AATF: variants seen among roughly 807,000 people sequenced by gnomAD.
AATF encodes the protein apoptosis antagonizing transcription factor.
Under a neutral mutation model 63.7 loss-of-function variants are expected in AATF, and 48 were observed. The ratio of observed to expected loss-of-function variants is 0.75; its 90% CI spans 0.60 to 0.96. AATF has a LOEUF of 0.96. Ranked by LOEUF, AATF falls within the 40% of genes least tolerant of loss-of-function variation. AATF has a pLI of 0.00. For synonymous variants in AATF, 258 were observed against 247.7 expected (o/e 1.04, Z -0.39); for missense variants, 639 against 685.7 (o/e 0.93, Z 0.76).
At position 36,957,553 on chromosome 17, in the gene AATF, C is replaced by T. The variant is rs374301348; in HGVS notation, c.832+3646C>T. Among the ~76,000 whole-genome samples, 52 of 152,266 alleles carry T rather than the reference C, an allele frequency of 3.4e-4. No individual in the cohort carries two copies. In the East Asian group the frequency reaches 5.0e-3, roughly 15 times the overall value. On this transcript the variant is annotated intron_variant, in intron 4 of 11. Transcript: ENST00000619387. ...CTTACAATGCAGTGTTGGCCTCTTA[C>T]GACGCTATGGAAAGATGGCTACAGA...
intron 8 of AATF, among the ~76,000 whole-genome samples, chr17:37,005,589 C>G (rs1567981004): frequency 6.6e-6 from 1 of 152,174 alleles, no homozygotes; most frequent in Non-Finnish European, 1.5e-5. Flanking sequence ...AGAATGACTT[C>G]CTTTTTATTC....
chr17:36,998,736 A>G (rs1403498801), intron 8 of AATF: 4 of 152,190 alleles, frequency 2.6e-5, no homozygotes, highest in Non-Finnish European at 5.9e-5. Context: ...AACAACAACA[A>G]AAACATTTAT....
Position 36,949,235 on chromosome 17 carries a change from A to C in AATF, c.91+19A>C. 6.3e-7 allele frequency: 1 copy of C among 1,575,122 alleles called. No homozygotes were observed. The highest frequency in any genetic ancestry group is 8.6e-7 in the Non-Finnish European group (1 of 1,161,966). Reference sequence around the variant, plus strand: ...GAGGAAGGTGAGGCCGGACTGGGGCAGGCCACGTGCGGAGCGGTGGGCCAG... The same window carrying C: ...GAGGAAGGTGAGGCCGGACTGGGGCCGGCCACGTGCGGAGCGGTGGGCCAG... On this transcript the variant is annotated intron_variant, in intron 1 of 11. Coordinates refer to ENST00000619387, the MANE Select transcript of AATF (RefSeq NM_012138.4).
chr17:36,958,671 A>G (rs535032814), intron 4 of AATF, among the ~76,000 whole-genome samples: 1 of 152,276 alleles, frequency 6.6e-6, no homozygotes, highest in Admixed American at 6.5e-5. Flanking sequence ...GCAATAATCA[A>G]TTCATGGTCA....
chr17:37,030,925 A>G (rs189138068), intron 10 of AATF, among the ~76,000 whole-genome samples: 4 of 152,312 alleles, frequency 2.6e-5, no homozygotes, highest in East Asian at 1.9e-4. Context: ...GAGGTAGTCA[A>G]TTCCTCATTG....
intron 8 of AATF, among the ~76,000 whole-genome samples, chr17:36,996,753 C>T (rs980872906): frequency 3.9e-5 from 6 of 152,106 alleles, no homozygotes; most frequent in African/African-American, 1.4e-4. Flanking sequence ...CTGCACAGAA[C>T]AGGAAGCAAA....
intron 11 of AATF, among the ~76,000 whole-genome samples, chr17:37,051,832 CCTCA>C (rs1320484310): frequency 6.6e-6 from 1 of 151,892 alleles, no homozygotes; most frequent in East Asian, 1.9e-4. Context: ...TTAGAAAATG[CCTCA>C]CTAAGGGTTA....
At chr17:37,014,763 T>C (rs2071416743) in intron 8 of AATF, among the ~76,000 whole-genome samples, 1 of 152,250 alleles carries the variant, frequency 6.6e-6, no homozygotes, top group Non-Finnish European at 1.5e-5. Flanking sequence ...GATGTTTGAC[T>C]TTCTGGATTA....
intron 8 of AATF, among the ~76,000 whole-genome samples, chr17:37,017,706 A>G (rs1269061222): frequency 6.6e-6 from 1 of 152,210 alleles, no homozygotes; most frequent in Non-Finnish European, 1.5e-5. Flanking sequence ...AAGCAAATGA[A>G]AAAACATCAT....
intron 8 of AATF, among the ~76,000 whole-genome samples, chr17:37,004,659 A>G (rs572446252): frequency 7.9e-5 from 12 of 152,220 alleles, no homozygotes; most frequent in Non-Finnish European, 1.5e-4. Flanking sequence ...GAGTGCTTCT[A>G]TGTTATTTTA....
chr17:36,949,030 C>G lies in AATF; in HGVS notation c.-96C>G, dbSNP rs1003324251. On this transcript the variant is annotated 5_prime_UTR_variant, in exon 1 of 12. In the 5' UTR this introduces an upstream ATG that the reference lacks. Transcript: ENST00000619387. ...CTCTGGCGGAGTCGGGGAATCGGAT[C>G]AAGGCGAGAGGATCCGGCAGGGAAG... is the stretch of plus-strand genomic sequence containing the variant. The G allele has an allele frequency of 5.1e-6, 6 of 1,167,188 alleles. No individual in the cohort carries two copies. The highest frequency in any genetic ancestry group is 3.6e-6 in the Non-Finnish European group (3 of 822,122). The allele number at this position is 1,167,188 out of a possible 1,614,324, so 72.3% of individuals were successfully genotyped here.
At chr17:37,035,999 C>G (rs1164868906) in intron 11 of AATF, among the ~76,000 whole-genome samples, 4 of 152,132 alleles carry the variant, frequency 2.6e-5, no homozygotes, top group Non-Finnish European at 4.4e-5. Context: ...TCATAGCTCC[C>G]TGCAACCTCC....
intron 4 of AATF, among the ~76,000 whole-genome samples, chr17:36,968,266 CTTTCTTTTTTT>C (rs2071009581): frequency 5.3e-5 from 4 of 75,580 alleles, no homozygotes; most frequent in African/African-American, 2.2e-4. Context: ...TTCTTTCCTT[CTTTCTTTTTTT>C]TTTTTTTTTT....
At chr17:36,954,046 C>G (rs2070879396) in intron 4 of AATF, 139 bp downstream of exon 4, 1 of 838,882 alleles carries the variant, frequency 1.2e-6, no homozygotes, top group Non-Finnish European at 1.8e-6. Flanking sequence ...CTCCCCATCC[C>G]CCTTGGCTTT....
At chr17:37,039,595 T>C (rs1226124290) in intron 11 of AATF, among the ~76,000 whole-genome samples, 1 of 152,134 alleles carries the variant, frequency 6.6e-6, no homozygotes, top group African/African-American at 2.4e-5. Flanking sequence ...CACCACACGT[T>C]TGACCCCCCA....
chr17:37,037,049 C>A (rs1169689967), intron 11 of AATF, among the ~76,000 whole-genome samples: 1 of 149,266 alleles, frequency 6.7e-6, no homozygotes, highest in Non-Finnish European at 1.5e-5. Context: ...CGTTCTCTCA[C>A]CCAGGCTGTA....
At chr17:36,983,825 CAAGG>C (rs776061922) in intron 4 of AATF, among the ~76,000 whole-genome samples, 3 of 152,092 alleles carry the variant, frequency 2.0e-5, no homozygotes, top group Admixed American at 2.0e-4. Flanking sequence ...TTATTTTAAA[CAAGG>C]AAGTTGTATT....
chr17:37,013,240 G>A (rs1597725748), intron 8 of AATF, among the ~76,000 whole-genome samples: 1 of 152,338 alleles, frequency 6.6e-6, no homozygotes, highest in South Asian at 2.1e-4. Flanking sequence ...TTAGCCATTA[G>A]GGAAATGCAA....
chr17:37,017,218 G>A (rs1486472291), intron 8 of AATF, among the ~76,000 whole-genome samples: 1 of 152,216 alleles, frequency 6.6e-6, no homozygotes, highest in Non-Finnish European at 1.5e-5. Flanking sequence ...AGGAAAACCA[G>A]GAACGGTTGT....
Sources: allele counts gnomAD v4.1 joint callset (sites outside exome capture counted in the v4.1 genomes callset), GRCh38; gene constraint gnomAD v4.1.1; transcripts MANE v1.5; gene names NCBI Gene and HGNC (gene_info 2026-07-23, HGNC 2026-07-21).